The following ANXA1 variants were observed in gnomAD, a reference collection of about 807,000 sequenced individuals.
ANXA1 encodes annexin I (lipocortin I).
In ANXA1, 39 loss-of-function variants were observed where a neutral mutation model predicts 47.9. That is an observed-to-expected ratio of 0.81 (90% CI 0.63 to 1.06). The LOEUF (loss-of-function observed/expected upper bound fraction) is 1.06, where lower values mean the gene tolerates loss of function less well. Ranked by LOEUF, ANXA1 falls within the 50% of genes least tolerant of loss-of-function variation. ANXA1 has a pLI of 0.00. For synonymous variants in ANXA1, 146 were observed against 142.5 expected (o/e 1.02, Z -0.17); for missense variants, 446 against 422.7 (o/e 1.06, Z -0.48).
At chr9:73,152,535 C>A (rs1244932972) in intron 1 of ANXA1, among the ~76,000 whole-genome samples, 1 of 152,042 alleles carries the variant, frequency 6.6e-6, no homozygotes, top group Non-Finnish European at 1.5e-5. Flanking sequence ...TTACTTTTTT[C>A]ATTTAAAGAG....
chr9:73,167,419 A>G (rs1588226538), intron 10 of ANXA1, 78 bp from the exon 11 acceptor site: 3 of 1,379,994 alleles, frequency 2.2e-6, no homozygotes, highest in South Asian at 2.4e-5. Context: ...GCAAAATTCT[A>G]TATTTCCTGT....
intron 1 of ANXA1, among the ~76,000 whole-genome samples, chr9:73,154,559 C>T (rs905973326): frequency 6.6e-6 from 1 of 152,166 alleles, no homozygotes; most frequent in South Asian, 2.1e-4. Flanking sequence ...CTGCCTCAGC[C>T]TTCTGAGTAG....
At chr9:73,165,023 G>A (rs898132040) in intron 8 of ANXA1, 93 bp from the exon 9 acceptor site, 4 of 960,764 alleles carry the variant, frequency 4.2e-6, no homozygotes, top group Non-Finnish European at 6.4e-6. Flanking sequence ...GGCACAAAGC[G>A]ATTGCCTATA....
intron 6 of ANXA1, 48 bp from the exon 7 acceptor site, chr9:73,162,734 A>C: frequency 7.1e-7 from 1 of 1,402,098 alleles, no homozygotes; most frequent in Non-Finnish European, 1.0e-6. Context: ...TATTCTTATT[A>C]TTATTCATCA....
intron 1 of ANXA1, chr9:73,154,337 T>G (rs1345882481): frequency 1.5e-6 from 2 of 1,366,292 alleles, no homozygotes; most frequent in South Asian, 1.1e-5. Flanking sequence ...AATTTGATTC[T>G]CAGGTGTGAG....
Position 73,160,277 on chromosome 9 carries a change from A to G in ANXA1, c.285A>G (p.Thr95=). 1 of 1,565,042 alleles carries G rather than the reference A, an allele frequency of 6.4e-7. No individual in the cohort carries two copies. The highest frequency in any genetic ancestry group is 8.6e-7 in the Non-Finnish European group (1 of 1,164,568). The change falls in exon 5 of 13, where the codon ACA becomes ACG. Residue 95 remains threonine, a synonymous_variant. Transcript: ENST00000257497. ...LQETGKPLDE[T]LKKALTGHLE... ...TTTTTTTGTAGCCCCTGGATGAAAC[A>G]CTGAAGAAAGCCCTTACAGGTCACC... is the stretch of plus-strand genomic sequence containing the variant.
At chr9:73,168,672 A>G (rs1021691826) in intron 11 of ANXA1, 2 of 160,436 alleles carry the variant, frequency 1.2e-5, no homozygotes. Context: ...ATTAGATTCT[A>G]TCCTAAGAGC....
rs1416419733 is a variant in ANXA1 at position 73,170,235 on chromosome 9, C to A, written c.*128C>A. 2.6e-5 allele frequency: 16 copies of A among 609,754 alleles called. No homozygotes were observed. Among genetic ancestry groups the A allele is most frequent in the African/African-American group, 7.4e-5 (4 of 53,728 alleles). 37.8% of individuals were successfully genotyped at this position (609,754 alleles called of 1,614,324 possible). On this transcript the variant is annotated 3_prime_UTR_variant, in exon 13 of 13. Transcript: ENST00000257497. ...GCTACCTACATGCTGAAAAATATAG[C>A]CTTTAAATCATTTTTATATTATAAC...
Position 73,170,166 on chromosome 9 carries a change from T to A in ANXA1, c.*59T>A. ...AGACTTTAATTATATATTTTCATCC[T>A]ATAAGCTTAAATAGGAAAGTTTCTT... On this transcript the variant is annotated 3_prime_UTR_variant, in exon 13 of 13. Transcript: ENST00000257497. 1.4e-6 allele frequency: 2 copies of A among 1,450,784 alleles called. No homozygotes were observed. The highest frequency in any genetic ancestry group is 1.9e-6 in the Non-Finnish European group (2 of 1,062,418). The allele number at this position is 1,450,784 out of a possible 1,614,324, so 89.9% of individuals were successfully genotyped here.
At chr9:73,162,722 G>A in intron 6 of ANXA1, 60 bp from the exon 7 acceptor site, 1 of 1,320,044 alleles carries the variant, frequency 7.6e-7, no homozygotes, top group Non-Finnish European at 1.1e-6. Context: ...AGAGATGTCA[G>A]ATATTCTTAT....
rs953302316 is a variant in ANXA1, at chr9:73,162,876, C to A, written c.555+15C>A. The A allele has an allele frequency of 1.3e-6, 2 of 1,596,734 alleles. No homozygotes were observed. The highest frequency in any genetic ancestry group is 2.2e-5 in the East Asian group (1 of 44,718). On this transcript the variant is annotated intron_variant, in intron 7 of 12. Transcript: ENST00000257497. ...CTCTTGCTAAGGTACAACTCAGATA[C>A]TTTAGGAAATGCCTCTTGTTTTATA...
chr9:73,160,739 C>A, intron 5 of ANXA1, 64 bp from the exon 6 acceptor site: 1 of 1,277,384 alleles, frequency 7.8e-7, no homozygotes, highest in Non-Finnish European at 1.1e-6. Context: ...ACACCAAAAA[C>A]TCATTGATCC....
intron 6 of ANXA1, 99 bp from the exon 7 acceptor site, chr9:73,162,683 C>A: frequency 2.5e-6 from 2 of 796,284 alleles, no homozygotes; most frequent in Non-Finnish European, 4.0e-6. Flanking sequence ...TCATTGAACA[C>A]TGTGGCACTG....
chr9:73,170,032 C>A lies in ANXA1; in HGVS notation c.985-19C>A. The A allele has an allele frequency of 6.3e-7, 1 of 1,586,864 alleles. No homozygotes were observed. Among genetic ancestry groups the A allele is most frequent in the Non-Finnish European group, 8.6e-7 (1 of 1,165,222 alleles). On this transcript the variant is annotated intron_variant, in intron 12 of 12. Transcript: ENST00000257497. ...ATGGTTTCGACTAACATTAAGTATA[C>A]CTTTTTTTGAATCAACAGGATGAAA...
Position 73,167,547 on chromosome 9 carries a change from G to T in ANXA1, c.853G>T (p.Ala285Ser). The T allele has an allele frequency of 6.2e-7, 1 of 1,613,274 alleles. No individual in the cohort carries two copies. The highest frequency in any genetic ancestry group is 1.7e-5 in the Admixed American group (1 of 59,988). ...TTTCTTTGCAGAGAAGCTTCATCAAGCCATGAAAGTATGTACCATTCTACT... is the reference window on the plus strand; with the variant it reads ...TTTCTTTGCAGAGAAGCTTCATCAATCCATGAAAGTATGTACCATTCTACT... ...PAFFAEKLHQ[A>S]MKGVGTRHKA... The change falls in exon 11 of 13, where the codon GCC becomes TCC. Residue 285 changes from alanine (A) to serine (S), a missense_variant. By Grantham distance (99) the Ala-to-Ser change is moderately conservative. Transcript: ENST00000257497.
chr9:73,165,695 A>G (rs1276873631), intron 9 of ANXA1, among the ~76,000 whole-genome samples: 1 of 152,066 alleles, frequency 6.6e-6, no homozygotes, highest in Admixed American at 6.6e-5. Flanking sequence ...AAGTTATGAC[A>G]ATTACCAAAG....
chr9:73,163,840 A>G (rs1824184160), intron 8 of ANXA1, among the ~76,000 whole-genome samples: 1 of 152,222 alleles, frequency 6.6e-6, no homozygotes, highest in South Asian at 2.1e-4. Flanking sequence ...ACTAGGTATA[A>G]GAAGGGGAAA....
At chr9:73,168,364 G>C (rs1429238979) in intron 11 of ANXA1, 1 of 152,166 alleles carries the variant, frequency 6.6e-6, no homozygotes, top group African/African-American at 2.4e-5. Flanking sequence ...CCATGGAAGA[G>C]AAAAGTGGGA....
intron 12 of ANXA1, 101 bp downstream of exon 12, chr9:73,169,255 G>A (rs984277889): frequency 5.4e-6 from 7 of 1,284,954 alleles, no homozygotes; most frequent in Non-Finnish European, 7.3e-6. Flanking sequence ...AATTTAATAT[G>A]TAAGATTAAT....
Sources: allele counts gnomAD v4.1 joint callset (sites outside exome capture counted in the v4.1 genomes callset), GRCh38; gene constraint gnomAD v4.1.1; transcripts MANE v1.5; gene names NCBI Gene and HGNC (gene_info 2026-07-23, HGNC 2026-07-21).